The following ATXN7L3B variants were observed in gnomAD, a reference collection of about 807,000 sequenced individuals.
ATXN7L3B encodes the protein ataxin-7-like protein 3B.
In ATXN7L3B, 4 loss-of-function variants were observed where a neutral mutation model predicts 6.3. The observed-to-expected ratio is 0.63, with a 90% CI of 0.31 to 1.45. The LOEUF is 1.45. Among genes scored for constraint, ATXN7L3B ranks in the 40% most tolerant of loss-of-function variants. The pLI is 0.07. For missense variants in ATXN7L3B, 120 were observed against 118.5 expected, an observed-to-expected ratio of 1.01 and a Z score of -0.06; for synonymous variants, 63 against 48.0, an observed-to-expected ratio of 1.31 and a Z score of -1.29.
rs2136586546 is a variant in ATXN7L3B, at chr12:74,538,310, CAA to C, written c.200_201del (p.Lys67ArgfsTer19). 2 of 1,555,366 alleles carry C rather than the reference CAA, an allele frequency of 1.3e-6. No homozygotes were observed. Among genetic ancestry groups the C allele is most frequent in the Non-Finnish European group, 1.7e-6 (2 of 1,149,214 alleles). ...ATTTTGGCATTCAGCCAGTGGAAGA[CAA>C]AGGAGCGTGCCGCCTCCCGCTTTGC... ...KDFGIQPVED[K>X]GACRLPLCSL... On this transcript the variant is annotated frameshift_variant, in exon 1 of 1. Transcript: ENST00000519948. LOFTEE classifies it high-confidence loss of function.
In ATXN7L3B at chr12:74,540,167, A is replaced by G. The variant is rs1479814303; in HGVS notation, c.*1761A>G. The G allele has an allele frequency of 6.0e-6, 1 of 166,630 alleles. No individual in the cohort carries two copies. Among genetic ancestry groups the G allele is most frequent in the Admixed American group, 6.6e-5 (1 of 15,262 alleles). 10.3% of individuals were successfully genotyped at this position (166,630 alleles called of 1,614,324 possible). A position where few individuals can be genotyped will look rare whatever the true frequency, so the allele number is the denominator to read the frequency against. ...CCTCTGTTGAGATTGGAATTGGAAG[A>G]GAACTTAATTTTTTGTATTTAAAAT... On this transcript the variant is annotated 3_prime_UTR_variant, in exon 1 of 1. Transcript: ENST00000519948.
rs956650383 is a variant in ATXN7L3B, at chr12:74,540,740, A to G, written c.*2334A>G. 1.2e-5 allele frequency: 2 copies of G among 167,112 alleles called. No homozygotes were observed. The highest frequency in any genetic ancestry group is 4.8e-5 in the African/African-American group (2 of 41,456). The allele number at this position is 167,112 out of a possible 1,614,324, so 10.4% of individuals were successfully genotyped here. On this transcript the variant is annotated 3_prime_UTR_variant, in exon 1 of 1. Coordinates refer to ENST00000519948, the MANE Select transcript of ATXN7L3B (RefSeq NM_001136262.2). ...GAAGTGGGATGATGGTAAAGGAGAA[A>G]GGCCACAGTCCAATCCCTCTGCCTT...
At position 74,544,053 on chromosome 12, in the gene ATXN7L3B, A is replaced by G. The variant is rs1383261767; in HGVS notation, c.*5647A>G. On this transcript the variant is annotated 3_prime_UTR_variant, in exon 1 of 1. Coordinates refer to ENST00000519948, the MANE Select transcript of ATXN7L3B (RefSeq NM_001136262.2). Reference sequence around the variant, plus strand: ...CATGGATAATTTTATAGAATCTACAAACATACCATTGAAAGTAGTGAGAAA... The same window carrying G: ...CATGGATAATTTTATAGAATCTACAGACATACCATTGAAAGTAGTGAGAAA... 1 of 152,056 alleles carries G rather than the reference A, an allele frequency of 6.6e-6. No individual in the cohort carries two copies. The highest frequency in any genetic ancestry group is 1.5e-5 in the Non-Finnish European group (1 of 67,878). 9.4% of individuals were successfully genotyped at this position (152,056 alleles called of 1,614,324 possible). A position where few individuals can be genotyped will look rare whatever the true frequency, so the allele number is the denominator to read the frequency against.
At position 74,538,679 on chromosome 12, in the gene ATXN7L3B, G is replaced by A. The variant is rs995050426; in HGVS notation, c.*273G>A. The stretch of plus-strand genomic sequence containing the variant: ...TTGATCTCTAAACACACCAGGATGT[G>A]CGCAAGATCCTGTAGTGCCCCCAGT... On this transcript the variant is annotated 3_prime_UTR_variant, in exon 1 of 1. Coordinates refer to ENST00000519948, the MANE Select transcript of ATXN7L3B (RefSeq NM_001136262.2). 2 of 462,592 alleles carry A rather than the reference G, an allele frequency of 4.3e-6. No individual in the cohort carries two copies. Among genetic ancestry groups the A allele is most frequent in the South Asian group, 2.4e-5 (1 of 41,680 alleles). 28.7% of individuals were successfully genotyped at this position (462,592 alleles called of 1,614,324 possible).
In ATXN7L3B at chr12:74,538,260, T is replaced by C. The variant is rs368832656; in HGVS notation, c.148T>C (p.Phe50Leu). 210 of 1,587,988 alleles carry C rather than the reference T, an allele frequency of 1.3e-4. No homozygotes were observed. The highest frequency in any genetic ancestry group is 5.2e-5 in the Non-Finnish European group (61 of 1,167,014). Residue 50 changes from phenylalanine to leucine, a missense_variant, in exon 1 of 1, where the codon TTC becomes CTC. Transcript: ENST00000519948. ...CAAGTGTGGCTACTTCTACCTGGAG[T>C]TCGCAGAGACTGGTAGCGTGAAGGA... ...AVKCGYFYLE[F>L]AETGSVKDFG...
At position 74,538,099 on chromosome 12, in the gene ATXN7L3B, G is replaced by C; in HGVS notation, c.-14G>C. Reference sequence around the variant, plus strand: ...TAAAACGAGCGCCCTCTCCGCACTCGTTTACAAATTAAAATGGAGGAAATT... The same window carrying C: ...TAAAACGAGCGCCCTCTCCGCACTCCTTTACAAATTAAAATGGAGGAAATT... On this transcript the variant is annotated 5_prime_UTR_variant, in exon 1 of 1. Coordinates refer to ENST00000519948, the MANE Select transcript of ATXN7L3B (RefSeq NM_001136262.2). 1 of 1,551,286 alleles carries C rather than the reference G, an allele frequency of 6.4e-7. No homozygotes were observed. Among genetic ancestry groups the C allele is most frequent in the South Asian group, 1.2e-5 (1 of 84,088 alleles).
chr12:74,539,396 C>A lies in ATXN7L3B; in HGVS notation c.*990C>A, dbSNP rs1023343429. The A allele has an allele frequency of 6.0e-6, 1 of 167,220 alleles. No individual in the cohort carries two copies. Among genetic ancestry groups the A allele is most frequent in the Non-Finnish European group, 1.5e-5 (1 of 68,244 alleles). The allele number at this position is 167,220 out of a possible 1,614,324, so 10.4% of individuals were successfully genotyped here. A position where few individuals can be genotyped will look rare whatever the true frequency, so the allele number is the denominator to read the frequency against. ...GCAGGACTGAAGTATGGAAGAGCAT[C>A]ATGGCTGTGCAGGAGGCTGTGGTTT... is the stretch of plus-strand genomic sequence containing the variant. On this transcript the variant is annotated 3_prime_UTR_variant, in exon 1 of 1. Coordinates refer to ENST00000519948, the MANE Select transcript of ATXN7L3B (RefSeq NM_001136262.2).
Position 74,537,885 on chromosome 12 carries a change from G to C in ATXN7L3B, c.-228G>C, listed in dbSNP as rs1366689986. 2 of 554,292 alleles carry C rather than the reference G, an allele frequency of 3.6e-6. No individual in the cohort carries two copies. The highest frequency in any genetic ancestry group is 6.4e-6 in the Non-Finnish European group (2 of 310,812). The allele number at this position is 554,292 out of a possible 1,614,324, so 34.3% of individuals were successfully genotyped here. A position where few individuals can be genotyped will look rare whatever the true frequency, so the allele number is the denominator to read the frequency against. ...GGTTTGGCGGTGAGTCCTGGGCCAG[G>C]CGCAGCTGAAAGGCCCGCAACCCGG... On this transcript the variant is annotated 5_prime_UTR_variant, in exon 1 of 1. Transcript: ENST00000519948.
In ATXN7L3B at chr12:74,543,343, TAAATC is replaced by T. The variant is rs917288058; in HGVS notation, c.*4941_*4945del. 47 of 152,046 alleles carry T rather than the reference TAAATC, an allele frequency of 3.1e-4. No individual in the cohort carries two copies. The highest frequency in any genetic ancestry group is 1.0e-3 in the African/African-American group (43 of 41,500). The allele number at this position is 152,046 out of a possible 1,614,324, so 9.4% of individuals were successfully genotyped here. ...GGTCTTTGTTGAAGCAATGGAGTAATAAATCAAACGACTAATTAAAAACAAAACAA... is the reference window on the plus strand; with the variant it reads ...GGTCTTTGTTGAAGCAATGGAGTAATAAACGACTAATTAAAAACAAAACAA... On this transcript the variant is annotated 3_prime_UTR_variant, in exon 1 of 1. Coordinates refer to ENST00000519948, the MANE Select transcript of ATXN7L3B (RefSeq NM_001136262.2).
chr12:74,540,175 A>G lies in ATXN7L3B; in HGVS notation c.*1769A>G, dbSNP rs1268393895. On this transcript the variant is annotated 3_prime_UTR_variant, in exon 1 of 1. Transcript: ENST00000519948. ...GAGATTGGAATTGGAAGAGAACTTA[A>G]TTTTTTGTATTTAAAATGCAGTGTC... The G allele has an allele frequency of 6.0e-6, 1 of 166,458 alleles. No individual in the cohort carries two copies. Among genetic ancestry groups the G allele is most frequent in the African/African-American group, 2.4e-5 (1 of 41,292 alleles). The allele number at this position is 166,458 out of a possible 1,614,324, so 10.3% of individuals were successfully genotyped here.
rs1365361208 is a variant in ATXN7L3B at position 74,543,592 on chromosome 12, A to C, written c.*5186A>C. The C allele has an allele frequency of 6.6e-6, 1 of 151,996 alleles. No homozygotes were observed. Among genetic ancestry groups the C allele is most frequent in the African/African-American group, 2.4e-5 (1 of 41,380 alleles). 9.4% of individuals were successfully genotyped at this position (151,996 alleles called of 1,614,324 possible). ...CAACAAAAACAGGCAAAATAATACC[A>C]AAATAGATTTTTTTTTTAAATGAAG... On this transcript the variant is annotated 3_prime_UTR_variant, in exon 1 of 1. Coordinates refer to ENST00000519948, the MANE Select transcript of ATXN7L3B (RefSeq NM_001136262.2).
rs1418135636 is a variant in ATXN7L3B at position 74,544,771 on chromosome 12, AC to A, written c.*6367del. 6.6e-5 allele frequency: 10 copies of A among 152,138 alleles called. No homozygotes were observed. The highest frequency in any genetic ancestry group is 6.5e-4 in the Admixed American group (10 of 15,280). 9.4% of individuals were successfully genotyped at this position (152,138 alleles called of 1,614,324 possible). On this transcript the variant is annotated 3_prime_UTR_variant, in exon 1 of 1. Coordinates refer to ENST00000519948, the MANE Select transcript of ATXN7L3B (RefSeq NM_001136262.2). ...CATAGAGAAAAGATTGATGTGTTCG[AC>A]CATAATAAAAATAGAACTTTCTGTT...
Position 74,538,064 on chromosome 12 carries a change from C to T in ATXN7L3B, c.-49C>T, listed in dbSNP as rs1342228737. 1 of 1,525,632 alleles carries T rather than the reference C, an allele frequency of 6.6e-7. No individual in the cohort carries two copies. Among genetic ancestry groups the T allele is most frequent in the Non-Finnish European group, 8.8e-7 (1 of 1,130,102 alleles). The allele number at this position is 1,525,632 out of a possible 1,614,324, so 94.5% of individuals were successfully genotyped here. A position where few individuals can be genotyped will look rare whatever the true frequency, so the allele number is the denominator to read the frequency against. The stretch of plus-strand genomic sequence containing the variant: ...GCGGCCCGCGGAGCCAGACGTGTTG[C>T]TGCCGTGAGTAAAACGAGCGCCCTC... On this transcript the variant is annotated 5_prime_UTR_variant, in exon 1 of 1. Coordinates refer to ENST00000519948, the MANE Select transcript of ATXN7L3B (RefSeq NM_001136262.2).
In ATXN7L3B at chr12:74,543,384, A is replaced by G. The variant is rs1868944545; in HGVS notation, c.*4978A>G. The G allele has an allele frequency of 6.6e-6, 1 of 152,132 alleles. No homozygotes were observed. Among genetic ancestry groups the G allele is most frequent in the Admixed American group, 6.5e-5 (1 of 15,282 alleles). 9.4% of individuals were successfully genotyped at this position (152,132 alleles called of 1,614,324 possible). ...TTAAAAACAAAACAATGAAAAATCC[A>G]TGATGCTTATGAACAACGTTAGGGC... is the stretch of plus-strand genomic sequence containing the variant. On this transcript the variant is annotated 3_prime_UTR_variant, in exon 1 of 1. Transcript: ENST00000519948.
In ATXN7L3B at chr12:74,537,970, C is replaced by T. The variant is rs1348491061; in HGVS notation, c.-143C>T. 5.9e-6 allele frequency: 4 copies of T among 675,108 alleles called. No homozygotes were observed. Among genetic ancestry groups the T allele is most frequent in the East Asian group, 2.7e-5 (1 of 36,792 alleles). 41.8% of individuals were successfully genotyped at this position (675,108 alleles called of 1,614,324 possible). On this transcript the variant is annotated 5_prime_UTR_variant, in exon 1 of 1. Transcript: ENST00000519948. ...CGGAGCAGTCGCCCCTATCGCTGCT[C>T]CTGCAGTTGCGGACGCCACCGACCC...
rs1402546973 is a variant in ATXN7L3B, at chr12:74,538,045, C to T, written c.-68C>T. 1.4e-5 allele frequency: 21 copies of T among 1,487,406 alleles called. No homozygotes were observed. The highest frequency in any genetic ancestry group is 1.7e-5 in the Non-Finnish European group (19 of 1,103,566). The allele number at this position is 1,487,406 out of a possible 1,614,324, so 92.1% of individuals were successfully genotyped here. A position where few individuals can be genotyped will look rare whatever the true frequency, so the allele number is the denominator to read the frequency against. The stretch of plus-strand genomic sequence containing the variant: ...AAGGCCTCTAGGCCTAGGCGCGGCC[C>T]GCGGAGCCAGACGTGTTGCTGCCGT... On this transcript the variant is annotated 5_prime_UTR_variant, in exon 1 of 1. Transcript: ENST00000519948.
Position 74,541,456 on chromosome 12 carries a change from C to T in ATXN7L3B, c.*3050C>T, listed in dbSNP as rs1324001388. Reference sequence around the variant, plus strand: ...GTAATAAAATTTTAAAAAATGACTACTTGGTCCTTGGACTCTGTATATTCA... The same window carrying T: ...GTAATAAAATTTTAAAAAATGACTATTTGGTCCTTGGACTCTGTATATTCA... On this transcript the variant is annotated 3_prime_UTR_variant, in exon 1 of 1. Transcript: ENST00000519948. The T allele has an allele frequency of 6.0e-6, 1 of 166,664 alleles. No homozygotes were observed. The highest frequency in any genetic ancestry group is 1.5e-5 in the Non-Finnish European group (1 of 68,128). 10.3% of individuals were successfully genotyped at this position (166,664 alleles called of 1,614,324 possible). A position where few individuals can be genotyped will look rare whatever the true frequency, so the allele number is the denominator to read the frequency against.
Position 74,541,685 on chromosome 12 carries a change from T to A in ATXN7L3B, c.*3279T>A, listed in dbSNP as rs1434556018. 1 of 152,200 alleles carries A rather than the reference T, an allele frequency of 6.6e-6. No homozygotes were observed. Among genetic ancestry groups the A allele is most frequent in the Non-Finnish European group, 1.5e-5 (1 of 68,034 alleles). The allele number at this position is 152,200 out of a possible 1,614,324, so 9.4% of individuals were successfully genotyped here. A position where few individuals can be genotyped will look rare whatever the true frequency, so the allele number is the denominator to read the frequency against. On this transcript the variant is annotated 3_prime_UTR_variant, in exon 1 of 1. Coordinates refer to ENST00000519948, the MANE Select transcript of ATXN7L3B (RefSeq NM_001136262.2). The stretch of plus-strand genomic sequence containing the variant: ...CGTATACAATCATCCCTTTTCCATA[T>A]GAGGTAAGAAGGTGGTAAGATAAAT...
rs896074938 is a variant in ATXN7L3B at position 74,541,639 on chromosome 12, C to T, written c.*3233C>T. On this transcript the variant is annotated 3_prime_UTR_variant, in exon 1 of 1. Coordinates refer to ENST00000519948, the MANE Select transcript of ATXN7L3B (RefSeq NM_001136262.2). ...GGCCTGCAAATTTAACTGTCTGTAG[C>T]ATCCAGTGAAAGAGCCAAACCGTAT... 6.6e-6 allele frequency: 1 copy of T among 152,206 alleles called. No individual in the cohort carries two copies. The highest frequency in any genetic ancestry group is 1.5e-5 in the Non-Finnish European group (1 of 68,044). The allele number at this position is 152,206 out of a possible 1,614,324, so 9.4% of individuals were successfully genotyped here.
Sources: allele counts gnomAD v4.1 joint callset, GRCh38; gene constraint gnomAD v4.1.1; transcripts MANE v1.5; gene names NCBI Gene and HGNC (gene_info 2026-07-23, HGNC 2026-07-21).